FHIT: variants seen among roughly 807,000 people sequenced by gnomAD.
The protein encoded by FHIT is bis(5'-adenosyl)-triphosphatase.
A neutral mutation model predicts 17.9 loss-of-function variants in FHIT; 19 were observed. The observed-to-expected ratio is 1.06, with a 90% CI of 0.74 to 1.56. FHIT has a LOEUF of 1.56. Ranked by LOEUF, FHIT falls within the 40% of genes most tolerant of loss-of-function variation. FHIT has a pLI of 0.00. For missense variants in FHIT, 248 were observed against 189.2 expected (o/e 1.31, Z -1.82); for synonymous variants, 81 against 69.7 (o/e 1.16, Z -0.81).
intron 5 of FHIT, among the ~76,000 whole-genome samples, chr3:60,200,104 G>A (rs898390595): frequency 6.6e-6 from 1 of 152,090 alleles, no homozygotes; most frequent in African/African-American, 2.4e-5. Flanking sequence ...AATCAACATA[G>A]ACAAGGTAAG....
chr3:61,202,568 AGAAT>A (rs2039060843), intron 1 of FHIT, among the ~76,000 whole-genome samples: 1 of 152,214 alleles, frequency 6.6e-6, no homozygotes, highest in Non-Finnish European at 1.5e-5. Flanking sequence ...TAGAGTTTCT[AGAAT>A]GAAAGACATG....
chr3:60,808,752 C>T (rs1488218322), intron 4 of FHIT, among the ~76,000 whole-genome samples: 2 of 152,170 alleles, frequency 1.3e-5, no homozygotes, highest in Non-Finnish European at 2.9e-5. Context: ...ATATTGGCTA[C>T]AACTGGTCTA....
chr3:59,888,382 G>A (rs571046495), intron 8 of FHIT, among the ~76,000 whole-genome samples: 82 of 152,228 alleles, frequency 5.4e-4, no homozygotes, highest in African/African-American at 2.0e-3. Context: ...ACTGAAACTA[G>A]ACAAATTCCT....
intron 5 of FHIT, among the ~76,000 whole-genome samples, chr3:60,094,829 G>C (rs1025869002): frequency 1.3e-5 from 2 of 151,206 alleles, no homozygotes; most frequent in African/African-American, 4.9e-5. Flanking sequence ...AGAAGAGAGA[G>C]AGAGAAGGAG....
Position 60,915,029 on chromosome 3 carries a change from T to C in FHIT, c.-110-93018A>G, listed in dbSNP as rs148592190. ...AGCTCTGATTACACTACATAGTTCATACACCTCAATGTTCCGAACACTTGT... is the reference window on the plus strand; with the variant it reads ...AGCTCTGATTACACTACATAGTTCACACACCTCAATGTTCCGAACACTTGT... On this transcript the variant is annotated intron_variant, in intron 3 of 9. Transcript: ENST00000492590. Among the ~76,000 whole-genome samples, 29 of 152,348 alleles carry C rather than the reference T, an allele frequency of 1.9e-4. 1 individual carries two copies. The East Asian group carries it at 5.6e-3, about 29-fold the overall frequency.
At chr3:59,890,501 T>G (rs1703809000) in intron 8 of FHIT, among the ~76,000 whole-genome samples, 1 of 152,186 alleles carries the variant, frequency 6.6e-6, no homozygotes, top group Admixed American at 6.5e-5. Flanking sequence ...TCGGTTCATT[T>G]CCTGTTGGGG....
intron 2 of FHIT, among the ~76,000 whole-genome samples, chr3:61,079,293 T>C (rs1304998235): frequency 6.6e-6 from 1 of 152,176 alleles, no homozygotes; most frequent in Admixed American, 6.5e-5. Flanking sequence ...AAGTAGCCAG[T>C]TGTGTTTGCC....
intron 4 of FHIT, among the ~76,000 whole-genome samples, chr3:60,541,702 G>A (rs1363300140): frequency 6.6e-6 from 1 of 152,170 alleles, no homozygotes; most frequent in African/African-American, 2.4e-5. Flanking sequence ...AAACAGCTAC[G>A]AGTTTTCCTA....
intron 3 of FHIT, among the ~76,000 whole-genome samples, chr3:60,842,649 T>A (rs1339133443): frequency 0.11 from 9,550 of 90,762 alleles, 454 homozygotes; most frequent in East Asian, 0.21. Flanking sequence ...ATATATATTT[T>A]TTTTTTTTTT....
chr3:60,642,154 A>G (rs1447474847), intron 4 of FHIT, among the ~76,000 whole-genome samples: 1 of 151,602 alleles, frequency 6.6e-6, no homozygotes, highest in African/African-American at 2.4e-5. Flanking sequence ...CCATTGACCA[A>G]GCCCAAACTG....
At chr3:60,684,381 C>T (rs782285565) in intron 4 of FHIT, among the ~76,000 whole-genome samples, 2 of 152,092 alleles carry the variant, frequency 1.3e-5, no homozygotes, top group Non-Finnish European at 2.9e-5. Flanking sequence ...GATGTGGATA[C>T]GTTTGCAGAG....
At chr3:59,979,258 G>C (rs1708545540) in intron 7 of FHIT, among the ~76,000 whole-genome samples, 1 of 152,052 alleles carries the variant, frequency 6.6e-6, no homozygotes, top group African/African-American at 2.4e-5. Context: ...CAGAAGCATG[G>C]CAGAATTTTA....
chr3:60,213,367 A>G (rs182998455), intron 5 of FHIT, among the ~76,000 whole-genome samples: 7 of 152,260 alleles, frequency 4.6e-5, no homozygotes, highest in Admixed American at 3.3e-4. Context: ...GTCTCTCTAC[A>G]TAGATCAGAT....
intron 8 of FHIT, among the ~76,000 whole-genome samples, chr3:59,768,278 CTTACTGGTCCTGGA>C (rs1205093532): frequency 1.3e-5 from 2 of 152,222 alleles, no homozygotes; most frequent in Non-Finnish European, 1.5e-5. Context: ...CTGGTCCTGA[CTTACTGGTCCTGGA>C]CATGGTTTTC....
intron 8 of FHIT, among the ~76,000 whole-genome samples, chr3:59,774,838 G>A (rs1342136249): frequency 2.6e-5 from 4 of 152,140 alleles, no homozygotes; most frequent in African/African-American, 9.7e-5. Context: ...CCAGAAAGTG[G>A]CCAGGACTTG....
intron 1 of FHIT, among the ~76,000 whole-genome samples, chr3:61,210,784 C>T (rs538864652): frequency 2.4e-4 from 36 of 151,998 alleles, no homozygotes; most frequent in African/African-American, 8.2e-4. Context: ...CCTGCTTCGG[C>T]TCACACACAG....
At chr3:59,777,368 A>C in intron 8 of FHIT, among the ~76,000 whole-genome samples, 1 of 150,870 alleles carries the variant, frequency 6.6e-6, no homozygotes, top group African/African-American at 2.4e-5. Context: ...TATATTTATC[A>C]CCCAAAGATA....
At chr3:60,315,714 G>A (rs111590621) in intron 5 of FHIT, among the ~76,000 whole-genome samples, 1 of 152,158 alleles carries the variant, frequency 6.6e-6, no homozygotes, top group South Asian at 2.1e-4. Flanking sequence ...ATATTTGGTT[G>A]CTTCCAGTTT....
chr3:59,915,471 T>C (rs562740854), intron 8 of FHIT, among the ~76,000 whole-genome samples: 5 of 152,346 alleles, frequency 3.3e-5, no homozygotes, highest in African/African-American at 1.2e-4. Flanking sequence ...ATGGCATCCT[T>C]TGCCTTGAAG....
Sources: gnomAD v4.1 joint callset for allele counts (sites outside exome capture counted in the v4.1 genomes callset) on GRCh38, gnomAD v4.1.1 for gene constraint, MANE v1.5 for transcripts, NCBI Gene and HGNC (gene_info 2026-07-23, HGNC 2026-07-21) for gene names.